MKLN1: variants seen among roughly 807,000 people sequenced by gnomAD.
MKLN1 encodes the protein muskelin 1.
MKLN1 carries 18 observed loss-of-function variants against 99.0 expected under a neutral mutation model. That is an observed-to-expected ratio of 0.18 (90% CI 0.13 to 0.27). The LOEUF is 0.27. MKLN1 is among the 10% of genes least tolerant of loss of function. MKLN1 has a pLI of 1.00. For synonymous variants in MKLN1, 288 were observed against 293.2 expected, an observed-to-expected ratio of 0.98 and a Z score of 0.18; for missense variants, 621 against 875.9, an observed-to-expected ratio of 0.71 and a Z score of 3.67.
intron 3 of MKLN1, among the ~76,000 whole-genome samples, chr7:131,221,087 A>G (rs939271512): frequency 2.6e-5 from 4 of 152,128 alleles, no homozygotes; most frequent in Admixed American, 2.6e-4. Context: ...GCAAACCTTT[A>G]TCTGCTTTTC....
chr7:131,232,733 A>T (rs1797261001), intron 3 of MKLN1, among the ~76,000 whole-genome samples: 1 of 152,208 alleles, frequency 6.6e-6, no homozygotes, highest in African/African-American at 2.4e-5. Flanking sequence ...AGCAAAGATA[A>T]CTAGAGAGTG....
intron 4 of MKLN1, among the ~76,000 whole-genome samples, chr7:131,389,973 A>T (rs1584687407): frequency 6.6e-6 from 1 of 152,316 alleles, no homozygotes; most frequent in Admixed American, 6.5e-5. Context: ...TGGGGATTAA[A>T]GTGAATTAGA....
intron 2 of MKLN1, among the ~76,000 whole-genome samples, chr7:131,384,370 T>C (rs998720807): frequency 6.6e-6 from 1 of 151,802 alleles, no homozygotes; most frequent in Admixed American, 6.6e-5. Context: ...GTGTCCTTAC[T>C]AGACACAGAA....
chr7:131,341,915 A>G (rs761999122), intron 1 of MKLN1, among the ~76,000 whole-genome samples: 16 of 152,170 alleles, frequency 1.1e-4, no homozygotes, highest in Non-Finnish European at 2.1e-4. Context: ...TGTGCATCTC[A>G]GTTCCTTACA....
intron 3 of MKLN1, among the ~76,000 whole-genome samples, chr7:131,206,523 T>G (rs911553602): frequency 3.3e-5 from 4 of 121,570 alleles, no homozygotes; most frequent in Non-Finnish European, 5.2e-5. Flanking sequence ...TATACCTGTA[T>G]GTATGTGTAT....
chr7:131,154,389 G>A, intron 2 of MKLN1, among the ~76,000 whole-genome samples: 1 of 152,248 alleles, frequency 6.6e-6, no homozygotes, highest in Middle Eastern at 3.4e-3. Flanking sequence ...CCTAATTGTG[G>A]TAATTCTAAT....
chr7:131,332,572 C>T lies in MKLN1; in HGVS notation c.98+4575C>T, dbSNP rs560436196. ...CCCACAGAAACAAAATTTAAATTACCCTTGATATCACTACCTAAAGATTAC... is the reference window on the plus strand; with the variant it reads ...CCCACAGAAACAAAATTTAAATTACTCTTGATATCACTACCTAAAGATTAC... On this transcript the variant is annotated intron_variant, in intron 1 of 17. Coordinates refer to ENST00000352689, the MANE Select transcript of MKLN1 (RefSeq NM_013255.5). Among the ~76,000 whole-genome samples, 38 of 150,604 alleles carry T rather than the reference C, an allele frequency of 2.5e-4. 1 individual carries two copies. Among genetic ancestry groups the T allele is most frequent in the Admixed American group, 2.5e-3 (38 of 15,112 alleles).
At chr7:131,396,536 G>T (rs1423089653) in intron 4 of MKLN1, among the ~76,000 whole-genome samples, 1 of 152,022 alleles carries the variant, frequency 6.6e-6, no homozygotes, top group South Asian at 2.1e-4. Context: ...GGAATATTTA[G>T]TATTTTCCCA....
At chr7:131,111,666 AC>A (rs1293498083) in intron 1 of MKLN1, among the ~76,000 whole-genome samples, 10 of 152,316 alleles carry the variant, frequency 6.6e-5, no homozygotes, top group Middle Eastern at 3.4e-3. Flanking sequence ...GAAAAAAAAA[AC>A]ATCATCTTGA....
intron 12 of MKLN1, among the ~76,000 whole-genome samples, chr7:131,452,358 A>T (rs1052330638): frequency 2.6e-5 from 4 of 152,124 alleles, no homozygotes; most frequent in Admixed American, 1.3e-4. Context: ...TGTGAAACTA[A>T]GATATGAGGG....
At chr7:131,257,209 C>T (rs1173570873) in intron 3 of MKLN1, among the ~76,000 whole-genome samples, 1 of 152,090 alleles carries the variant, frequency 6.6e-6, no homozygotes, top group African/African-American at 2.4e-5. Context: ...CTAGGATATA[C>T]TTATTCTAGA....
chr7:131,251,627 T>C (rs943593418), intron 3 of MKLN1, among the ~76,000 whole-genome samples: 14 of 152,120 alleles, frequency 9.2e-5, no homozygotes, highest in Admixed American at 3.3e-4. Flanking sequence ...CCAAAGTTAG[T>C]TGGGCATAAT....
chr7:131,275,774 G>A (rs184179801), intron 3 of MKLN1, among the ~76,000 whole-genome samples: 13 of 151,266 alleles, frequency 8.6e-5, no homozygotes, highest in Admixed American at 8.6e-4. Flanking sequence ...CAATTTGAGA[G>A]GTTGTTATTC....
intron 1 of MKLN1, among the ~76,000 whole-genome samples, chr7:131,132,706 A>T (rs1336010601): frequency 6.6e-6 from 1 of 151,950 alleles, no homozygotes; most frequent in African/African-American, 2.4e-5. Context: ...GGTGGATCAC[A>T]AGGTCAGGAG....
At chr7:131,398,195 A>G (rs1194012585) in intron 5 of MKLN1, among the ~76,000 whole-genome samples, 1 of 152,180 alleles carries the variant, frequency 6.6e-6, no homozygotes, top group African/African-American at 2.4e-5. Flanking sequence ...GAATAGTGGT[A>G]TACTTAGGAA....
intron 2 of MKLN1, among the ~76,000 whole-genome samples, chr7:131,182,935 C>T (rs1356368599): frequency 6.6e-6 from 1 of 152,200 alleles, no homozygotes; most frequent in African/African-American, 2.4e-5. Flanking sequence ...TCAACGTGAC[C>T]ATGGCATACC....
intron 8 of MKLN1, among the ~76,000 whole-genome samples, chr7:131,424,728 T>A (rs995135975): frequency 1.1e-4 from 16 of 152,198 alleles, no homozygotes; most frequent in Admixed American, 1.0e-3. Flanking sequence ...AATAGATTGA[T>A]TGGTGATTGA....
chr7:131,479,154 C>T (rs1584784588), intron 17 of MKLN1, among the ~76,000 whole-genome samples: 1 of 152,064 alleles, frequency 6.6e-6, no homozygotes, highest in East Asian at 1.9e-4. Context: ...CTTAATTGTT[C>T]AAGATAACTT....
At chr7:131,135,976 G>A (rs4728210) in intron 1 of MKLN1, among the ~76,000 whole-genome samples, 4 of 152,152 alleles carry the variant, frequency 2.6e-5, no homozygotes, top group African/African-American at 9.7e-5. Flanking sequence ...AAAGCTTTGC[G>A]TAAGTGACAA....
Sources: gnomAD v4.1 joint callset for allele counts (sites outside exome capture counted in the v4.1 genomes callset) on GRCh38, gnomAD v4.1.1 for gene constraint, MANE v1.5 for transcripts, NCBI Gene and HGNC (gene_info 2026-07-23, HGNC 2026-07-21) for gene names.